Variants in MTA1 observed in about 807,000 individuals in gnomAD.
MTA1 encodes metastasis associated 1, also known as metastasis-associated protein MTA1.
In MTA1, 15 loss-of-function variants were observed where a neutral mutation model predicts 97.0. The ratio of observed to expected loss-of-function variants is 0.15; its 90% CI spans 0.10 to 0.24. The LOEUF (loss-of-function observed/expected upper bound fraction) is 0.24. MTA1 is among the 10% of genes least tolerant of loss of function. The pLI is 1.00. For synonymous variants in MTA1, 435 were observed against 417.5 expected (o/e 1.04, Z -0.51); for missense variants, 709 against 1,015.1 (o/e 0.70, Z 4.10).
chr14:105,438,786 C>A lies in MTA1; in HGVS notation c.96+47C>A, dbSNP rs1434950138. On this transcript the variant is annotated intron_variant, in intron 2 of 20. Coordinates refer to ENST00000331320, the MANE Select transcript of MTA1 (RefSeq NM_004689.4). Reference sequence around the variant, plus strand: ...GCTGCAGGGGGGTAGTGGGTGGGGGCTACGCCAGCTCCTGCCCTGTGGGTG... The same window carrying A: ...GCTGCAGGGGGGTAGTGGGTGGGGGATACGCCAGCTCCTGCCCTGTGGGTG... 21 of 1,594,620 alleles carry A rather than the reference C, an allele frequency of 1.3e-5. No homozygotes were observed. The Admixed American group carries it at 3.0e-4, about 23-fold the overall frequency.
Position 105,450,334 on chromosome 14 carries a change from A to G in MTA1, c.432+10A>G. 6.3e-7 allele frequency: 1 copy of G among 1,597,986 alleles called. No individual in the cohort carries two copies. Among genetic ancestry groups the G allele is most frequent in the Non-Finnish European group, 8.6e-7 (1 of 1,168,416 alleles). ...CTACCTGGAGCGGGAGGTGAGGCCCAGCCCGGCCTGGTCTGCCGCAGCCAG... is the reference window on the plus strand; with the variant it reads ...CTACCTGGAGCGGGAGGTGAGGCCCGGCCCGGCCTGGTCTGCCGCAGCCAG... On this transcript the variant is annotated intron_variant, in intron 6 of 20. Coordinates refer to ENST00000331320, the MANE Select transcript of MTA1 (RefSeq NM_004689.4).
chr14:105,454,167 T>C (rs782663391), intron 6 of MTA1, 26 bp from the exon 7 acceptor site: 2 of 1,575,714 alleles, frequency 1.3e-6, no homozygotes, highest in African/African-American at 1.3e-5. Flanking sequence ...TGCTGACGCC[T>C]CTCTGTCTCC....
In MTA1 at chr14:105,433,926, C is replaced by T. The variant is rs587719485; in HGVS notation, c.29-4746C>T. Reference sequence around the variant, plus strand: ...CACTGCAAGCTCCGCCTCCCAGGTTCAAGCGATTCCCCTGCCTCAGCCTCC... The same window carrying T: ...CACTGCAAGCTCCGCCTCCCAGGTTTAAGCGATTCCCCTGCCTCAGCCTCC... On this transcript the variant is annotated intron_variant, in intron 1 of 20. Coordinates refer to ENST00000331320, the MANE Select transcript of MTA1 (RefSeq NM_004689.4). Among the ~76,000 whole-genome samples, 4 of 152,278 alleles carry T rather than the reference C, an allele frequency of 2.6e-5. No individual in the cohort carries two copies. In the South Asian group the frequency reaches 6.2e-4, roughly 24 times the overall value.
rs1225746183 is a variant in MTA1 at position 105,470,380 on chromosome 14, C to CGGCTAACTTAT, written c.*166_*176dup. The CGGCTAACTTAT allele has an allele frequency of 8.8e-6, 5 of 565,886 alleles. No individual in the cohort carries two copies. The highest frequency in any genetic ancestry group is 2.0e-5 in the African/African-American group (1 of 49,022). 35.1% of individuals were successfully genotyped at this position (565,886 alleles called of 1,614,324 possible). On this transcript the variant is annotated 3_prime_UTR_variant, in exon 21 of 21. Transcript: ENST00000331320. ...CACTGGGGGAGGAGAGGAAGAAGCG[C>CGGCTAACTTAT]GGCTAACTTATTCCGAGAATGCCGA...
In MTA1 at chr14:105,464,484, T is replaced by C; in HGVS notation, c.1261T>C (p.Trp421Arg). 6.2e-7 allele frequency: 1 copy of C among 1,613,602 alleles called. No individual in the cohort carries two copies. Among genetic ancestry groups the C allele is most frequent in the Non-Finnish European group, 8.5e-7 (1 of 1,179,952 alleles). ...NMQCRLCASC[W>R]TYWKKYGGLK... is the part of the protein sequence containing the mutation. ...GCAGTGTCGTCTCTGCGCATCTTGT[T>C]GGACATATTGGAAGAAATATGGTGG... The change falls in exon 14 of 21, where the codon TGG becomes CGG. Residue 421 changes from tryptophan (W) to arginine (R), a missense_variant. Physicochemically the swap from Trp to Arg is moderately radical, Grantham distance 101 (BLOSUM62 -3). This residue lies in a region of MTA1 where 321 missense variants were observed against 593.5 expected (regional missense o/e 0.54). Coordinates refer to ENST00000331320, the MANE Select transcript of MTA1 (RefSeq NM_004689.4).
At chr14:105,423,288 C>T (rs1420813460) in intron 1 of MTA1, among the ~76,000 whole-genome samples, 4 of 131,388 alleles carry the variant, frequency 3.0e-5, no homozygotes, top group East Asian at 2.2e-4. Flanking sequence ...GGCGCGATTT[C>T]GGCTCACTGC....
intron 1 of MTA1, among the ~76,000 whole-genome samples, chr14:105,429,500 G>C (rs1427644053): frequency 2.7e-5 from 4 of 150,072 alleles, no homozygotes; most frequent in Non-Finnish European, 4.4e-5. Context: ...CACCCAGGCT[G>C]GAGTGCAGTG....
At chr14:105,455,831 G>A (rs1555429766) in intron 7 of MTA1, among the ~76,000 whole-genome samples, 2 of 152,230 alleles carry the variant, frequency 1.3e-5, no homozygotes, top group East Asian at 3.9e-4. Flanking sequence ...CATCTCTCCA[G>A]GCAGACAGGG....
At chr14:105,439,785 G>GC (rs2082448007) in intron 2 of MTA1, among the ~76,000 whole-genome samples, 1 of 152,106 alleles carries the variant, frequency 6.6e-6, no homozygotes, top group Admixed American at 6.5e-5. Flanking sequence ...TAGGAGCCCT[G>GC]CCCACTCGGC....
intron 1 of MTA1, among the ~76,000 whole-genome samples, chr14:105,433,363 C>G (rs1368045513): frequency 3.3e-5 from 5 of 152,216 alleles, no homozygotes; most frequent in African/African-American, 1.2e-4. Context: ...CGTCTCAGCC[C>G]CTCCAGAGGT....
intron 3 of MTA1, 73 bp from the exon 4 acceptor site, chr14:105,449,286 C>T (rs1370971351): frequency 1.4e-5 from 21 of 1,503,338 alleles, no homozygotes; most frequent in Non-Finnish European, 1.6e-5. Context: ...GCCCTCGGTC[C>T]GGGCCCTGGG....
chr14:105,433,329 C>T (rs190757314), intron 1 of MTA1, among the ~76,000 whole-genome samples: 115 of 152,262 alleles, frequency 7.6e-4, no homozygotes, highest in African/African-American at 2.5e-3. Flanking sequence ...GGCTGAGCAC[C>T]GGTGTGGCTG....
chr14:105,466,326 C>A, intron 16 of MTA1, 100 bp from the exon 17 acceptor site: 1 of 1,136,488 alleles, frequency 8.8e-7, no homozygotes, highest in Non-Finnish European at 1.3e-6. Context: ...GGGCTTAGTT[C>A]CTGGGGGTAT....
rs587620690 is a variant in MTA1, at chr14:105,463,415, G to A, written c.1018-78G>A. 43 of 1,544,864 alleles carry A rather than the reference G, an allele frequency of 2.8e-5. No homozygotes were observed. In the East Asian group the frequency reaches 4.5e-4, roughly 16 times the overall value. ...TCCTCTCCGTGGTGCTCTCCTCTCC[G>A]TAGCCTCCAGCCTGTCTGCACTGCA... is the stretch of plus-strand genomic sequence containing the variant. On this transcript the variant is annotated intron_variant, in intron 11 of 20. Coordinates refer to ENST00000331320, the MANE Select transcript of MTA1 (RefSeq NM_004689.4). The surrounding 1 kb of genome is among the most constrained non-coding windows in gnomAD (Gnocchi z 5.9).
intron 1 of MTA1, among the ~76,000 whole-genome samples, chr14:105,421,448 G>C (rs1309025930): frequency 6.6e-6 from 1 of 152,160 alleles, no homozygotes; most frequent in Admixed American, 6.5e-5. Flanking sequence ...GGCTCCAGCC[G>C]GGCCCACTGC....
In MTA1 at chr14:105,466,432, A is replaced by ACCCCCCCCC; in HGVS notation, c.1636_1637insCCCCCCCCC (p.Pro545_Arg546insProProPro). ...CCTGTGTCATTCCCGGCAGAGACCC[A>ACCCCCCCCC]CCCCCGCCCCCCCAAGCCTGACCCC... On this transcript the variant is annotated inframe_insertion, in exon 17 of 21. Coordinates refer to ENST00000331320, the MANE Select transcript of MTA1 (RefSeq NM_004689.4). 1 of 724,488 alleles carries ACCCCCCCCC rather than the reference A, an allele frequency of 1.4e-6. No homozygotes were observed. Among genetic ancestry groups the ACCCCCCCCC allele is most frequent in the Non-Finnish European group, 2.3e-6 (1 of 433,686 alleles). 44.9% of individuals were successfully genotyped at this position (724,488 alleles called of 1,614,324 possible). A position where few individuals can be genotyped will look rare whatever the true frequency, so the allele number is the denominator to read the frequency against.
intron 1 of MTA1, among the ~76,000 whole-genome samples, 164 bp from the exon 2 acceptor site, chr14:105,438,508 G>A (rs766643908): frequency 6.6e-6 from 1 of 152,182 alleles, no homozygotes; most frequent in Non-Finnish European, 1.5e-5. Context: ...ACCCCTCCCT[G>A]ATGGTGTGGG....
Position 105,469,692 on chromosome 14 carries a change from C to T in MTA1, c.1846-149C>T, listed in dbSNP as rs1382675145. The T allele has an allele frequency of 6.9e-5, 89 of 1,289,868 alleles. 1 individual carries two copies. In the Middle Eastern group the frequency reaches 1.1e-3, roughly 16 times the overall value. The allele number at this position is 1,289,868 out of a possible 1,614,324, so 79.9% of individuals were successfully genotyped here. ...CAGCGGTGTGCGGCCGACCAGCCCT[C>T]AGGGCTGCCCTGGGCCAGGCTGGGG... On this transcript the variant is annotated intron_variant, in intron 19 of 20. Transcript: ENST00000331320.
intron 1 of MTA1, among the ~76,000 whole-genome samples, chr14:105,430,920 G>A (rs1555423201): frequency 6.6e-6 from 1 of 152,318 alleles, no homozygotes; most frequent in South Asian, 2.1e-4. Flanking sequence ...CAGTTATTAT[G>A]TGGCTGCTTT....
Sources: gnomAD v4.1 joint callset for allele counts (sites outside exome capture counted in the v4.1 genomes callset) on GRCh38, gnomAD v4.1.1 for gene constraint, gnomAD v4.1.1 regional missense constraint, Gnocchi (gnomAD v3.1) non-coding constraint, MANE v1.5 for transcripts, NCBI Gene and HGNC (gene_info 2026-07-23, HGNC 2026-07-21) for gene names.